The following RORA variants were observed in gnomAD, a reference collection of about 807,000 sequenced individuals.
RORA encodes the protein RAR related orphan receptor A, also known as nuclear receptor ROR-alpha.
A neutral mutation model predicts 69.5 loss-of-function variants in RORA; 7 were observed. That is an observed-to-expected ratio of 0.10 (90% confidence interval 0.06 to 0.19). RORA has a LOEUF of 0.19. Ranked by LOEUF, RORA falls within the 10% of genes least tolerant of loss-of-function variation. The probability of loss-of-function intolerance (pLI) is 1.00; values close to 1 mark genes in which losing one functional copy is unlikely to be tolerated. For synonymous variants in RORA, 261 were observed against 240.8 expected, an observed-to-expected ratio of 1.08 and a Z score of -0.78; for missense variants, 457 against 663.0, an observed-to-expected ratio of 0.69 and a Z score of 3.41.
chr15:60,718,546 C>T (rs980061311), intron 1 of RORA, among the ~76,000 whole-genome samples: 4 of 152,172 alleles, frequency 2.6e-5, no homozygotes, highest in African/African-American at 7.2e-5. Flanking sequence ...TAATCACATT[C>T]GATTGAATAA....
At chr15:60,832,491 G>A (rs1211517294) in intron 1 of RORA, among the ~76,000 whole-genome samples, 1 of 152,126 alleles carries the variant, frequency 6.6e-6, no homozygotes, top group African/African-American at 2.4e-5. Flanking sequence ...AGAAGCCTGG[G>A]ACCCTGCCAG....
At chr15:60,717,796 C>CTTTTTTTTTTTTTTTTTTTTTTT (rs10653856) in intron 1 of RORA, among the ~76,000 whole-genome samples, 2 of 91,970 alleles carry the variant, frequency 2.2e-5, no homozygotes, top group Non-Finnish European at 4.0e-5. Context: ...TTCTTTTTCT[C>CTTTTTTTTTTTTTTTTTTTTTTT]TTTTTTTTTT....
intron 1 of RORA, among the ~76,000 whole-genome samples, chr15:60,832,297 G>A (rs2073052544): frequency 6.6e-6 from 1 of 152,160 alleles, no homozygotes; most frequent in Non-Finnish European, 1.5e-5. Context: ...CAGTTTGCCA[G>A]GAATTTTCCT....
chr15:61,148,881 G>A (rs2079373964), intron 1 of RORA, among the ~76,000 whole-genome samples: 1 of 152,148 alleles, frequency 6.6e-6, no homozygotes. Flanking sequence ...ATTAACCAAA[G>A]GGAGTGCACA....
intron 1 of RORA, among the ~76,000 whole-genome samples, chr15:61,202,831 C>T (rs572451399): frequency 6.6e-6 from 1 of 152,076 alleles, no homozygotes; most frequent in East Asian, 1.9e-4. Context: ...AATCCTAAAC[C>T]TATGGAATAT....
intron 1 of RORA, among the ~76,000 whole-genome samples, chr15:61,033,945 G>GT (rs1227088175): frequency 6.6e-6 from 1 of 152,072 alleles, no homozygotes; most frequent in Non-Finnish European, 1.5e-5. Context: ...TTGGTTACAT[G>GT]TTGAAACCAA....
At chr15:61,071,232 G>GGA (rs200371990) in intron 1 of RORA, among the ~76,000 whole-genome samples, 1 of 18,130 alleles carries the variant, frequency 5.5e-5, no homozygotes, top group African/African-American at 2.7e-4. Flanking sequence ...GGAAGGGAAG[G>GGA]GAGGGGAGGG....
chr15:61,162,183 C>T (rs535958357), intron 1 of RORA, among the ~76,000 whole-genome samples: 34 of 152,204 alleles, frequency 2.2e-4, no homozygotes, highest in South Asian at 4.1e-4. Flanking sequence ...TGATCTGTAA[C>T]GAATGTTCTT....
rs577951674 is a variant in RORA, at chr15:60,801,580, T to A, written c.167-122894A>T. Reference sequence around the variant, plus strand: ...AAAAACATAAGGGCTATTTGGAATGTCTCTGCATTTTACAGATGACTTTAA... The same window carrying A: ...AAAAACATAAGGGCTATTTGGAATGACTCTGCATTTTACAGATGACTTTAA... On this transcript the variant is annotated intron_variant, in intron 1 of 10. Coordinates refer to ENST00000335670, the MANE Select transcript of RORA (RefSeq NM_134261.3). Among the ~76,000 whole-genome samples, 5 of 152,360 alleles carry A rather than the reference T, an allele frequency of 3.3e-5. No individual in the cohort carries two copies. The South Asian group carries it at 1.0e-3, about 32-fold the overall frequency.
At chr15:60,717,430 C>G (rs1333325460) in intron 1 of RORA, among the ~76,000 whole-genome samples, 1 of 152,138 alleles carries the variant, frequency 6.6e-6, no homozygotes, top group Non-Finnish European at 1.5e-5. Context: ...CAAGTCAGTT[C>G]TTCATCCATG....
At chr15:60,916,239 G>A (rs1182649715) in intron 1 of RORA, among the ~76,000 whole-genome samples, 5 of 152,190 alleles carry the variant, frequency 3.3e-5, no homozygotes, top group Admixed American at 6.5e-5. Flanking sequence ...CCTCCAATGC[G>A]TCTGTGTTGT....
chr15:60,563,088 G>A (rs969170787), intron 2 of RORA, among the ~76,000 whole-genome samples: 3 of 152,074 alleles, frequency 2.0e-5, no homozygotes, highest in African/African-American at 4.8e-5. Context: ...AGGCGGACAC[G>A]TATAAGTTGA....
intron 1 of RORA, among the ~76,000 whole-genome samples, chr15:60,717,093 C>A (rs997174071): frequency 4.6e-5 from 7 of 152,114 alleles, no homozygotes; most frequent in South Asian, 2.1e-4. Context: ...GGGAACTGAG[C>A]CTTCAACCTG....
chr15:61,121,851 A>T (rs2079107927), intron 1 of RORA, among the ~76,000 whole-genome samples: 1 of 150,274 alleles, frequency 6.7e-6, no homozygotes. Context: ...CTTCCTATAA[A>T]AAAAAAAAAG....
At chr15:60,639,664 C>G (rs1449977769) in intron 2 of RORA, among the ~76,000 whole-genome samples, 1 of 152,154 alleles carries the variant, frequency 6.6e-6, no homozygotes, top group Non-Finnish European at 1.5e-5. Context: ...AAGTTGTCAT[C>G]GGGTTGCACA....
At chr15:60,501,122 AAAAACC>A in intron 8 of RORA, 53 bp from the exon 9 acceptor site, 1 of 954,090 alleles carries the variant, frequency 1.0e-6, no homozygotes. Flanking sequence ...GTCTTAGGAG[AAAAACC>A]TAGGTCTTAG....
chr15:60,861,704 C>G lies in RORA; in HGVS notation c.167-183018G>C, dbSNP rs75522577. On this transcript the variant is annotated intron_variant, in intron 1 of 10. Transcript: ENST00000335670. The stretch of plus-strand genomic sequence containing the variant: ...AATACTCTTTAAAAATTCCAAGGAA[C>G]GAGATGTCCCTCTAAACTGCCTTCT... Among the ~76,000 whole-genome samples the G allele has an allele frequency of 9.9e-5, 15 of 152,250 alleles. No homozygotes were observed. In the East Asian group the frequency reaches 2.9e-3, roughly 29 times the overall value.
At chr15:61,007,618 T>A (rs1894947112) in intron 1 of RORA, among the ~76,000 whole-genome samples, 1 of 151,374 alleles carries the variant, frequency 6.6e-6, no homozygotes, top group Non-Finnish European at 1.5e-5. Context: ...TTTAAAAAAT[T>A]TATTTACACA....
At position 60,531,551 on chromosome 15, in the gene RORA, C is replaced by T. The variant is rs1482073832; in HGVS notation, c.282+215G>A. The T allele has an allele frequency of 1.7e-5, 8 of 478,142 alleles. No individual in the cohort carries two copies. Among genetic ancestry groups the T allele is most frequent in the Non-Finnish European group, 2.9e-5 (8 of 276,310 alleles). 29.6% of individuals were successfully genotyped at this position (478,142 alleles called of 1,614,324 possible). On this transcript the variant is annotated intron_variant, in intron 3 of 10. Coordinates refer to ENST00000335670, the MANE Select transcript of RORA (RefSeq NM_134261.3). This position sits in a 1 kb window ranked among gnomAD's most constrained non-coding sequence, Gnocchi z 4.8. ...TGATAAACAAGCAATGCTCAAATAC[C>T]TTTTTGTAATCTCCTATTATTTTGA...
Sources: allele counts gnomAD v4.1 joint callset (sites outside exome capture counted in the v4.1 genomes callset), GRCh38; gene constraint gnomAD v4.1.1; non-coding constraint Gnocchi (gnomAD v3.1); transcripts MANE v1.5; gene names NCBI Gene and HGNC (gene_info 2026-07-23, HGNC 2026-07-21).